Variants in SEMA3D observed in about 807,000 individuals in gnomAD.
SEMA3D encodes the protein semaphorin-3D.
SEMA3D carries 84 observed loss-of-function variants against 100.1 expected under a neutral mutation model. The ratio of observed to expected loss-of-function variants is 0.84; its 90% confidence interval spans 0.70 to 1.01. The LOEUF (loss-of-function observed/expected upper bound fraction) is 1.01, where lower values mean the gene tolerates loss of function less well. Among genes scored for constraint, SEMA3D ranks in the 50% least tolerant of loss-of-function variants. SEMA3D has a pLI of 0.00. For missense variants in SEMA3D, 875 were observed against 934.1 expected (o/e 0.94, Z 0.82); for synonymous variants, 312 against 320.7 (o/e 0.97, Z 0.29).
chr7:85,217,985 AAAT>A, the SEMA3D span, among the ~76,000 whole-genome samples: 1 of 152,114 alleles, frequency 6.6e-6, no homozygotes, highest in East Asian at 1.9e-4. Flanking sequence ...GTTATTAGTT[AAAT>A]AATCATTTTG....
chr7:85,135,247 A>T (rs1308394560), intron 2 of SEMA3D, among the ~76,000 whole-genome samples: 1 of 152,114 alleles, frequency 6.6e-6, no homozygotes, highest in African/African-American at 2.4e-5. Context: ...CAAAATAAAC[A>T]ATGGCTATTA....
At chr7:85,194,435 A>T in the SEMA3D span, among the ~76,000 whole-genome samples, 6 of 151,900 alleles carry the variant, frequency 3.9e-5, no homozygotes, top group Non-Finnish European at 8.8e-5. Flanking sequence ...CGTCTAATCC[A>T]TTTTCTGTAT....
Position 84,998,387 on chromosome 7 carries a change from T to G in SEMA3D, c.*1053A>C, listed in dbSNP as rs1447856363. ...AATAAAATGTCTACTCTTCCTATGATTCTTCAGAAGAATTTATGTTTCCTC... is the reference window on the plus strand; with the variant it reads ...AATAAAATGTCTACTCTTCCTATGAGTCTTCAGAAGAATTTATGTTTCCTC... On this transcript the variant is annotated 3_prime_UTR_variant, in exon 19 of 19. Coordinates refer to ENST00000284136, the MANE Select transcript of SEMA3D (RefSeq NM_001384900.1). The G allele has an allele frequency of 1.3e-5, 2 of 152,198 alleles. No individual in the cohort carries two copies. Among genetic ancestry groups the G allele is most frequent in the African/African-American group, 4.8e-5 (2 of 41,470 alleles). The allele number at this position is 152,198 out of a possible 1,614,324, so 9.4% of individuals were successfully genotyped here.
the SEMA3D span, among the ~76,000 whole-genome samples, chr7:85,192,959 T>TA: frequency 1.3e-5 from 2 of 152,172 alleles, no homozygotes; most frequent in African/African-American, 4.8e-5. Flanking sequence ...ATTTAAAACT[T>TA]ACAATTCTAA....
the SEMA3D span, among the ~76,000 whole-genome samples, chr7:85,240,993 A>G: frequency 6.6e-6 from 1 of 152,144 alleles, no homozygotes. Context: ...ATCCCATCAA[A>G]TAGTGTGCTA....
At chr7:85,104,676 T>C (rs1281736847) in intron 3 of SEMA3D, among the ~76,000 whole-genome samples, 2 of 151,932 alleles carry the variant, frequency 1.3e-5, no homozygotes, top group Non-Finnish European at 2.9e-5. Context: ...TATTTGAGTG[T>C]TAAATGAACA....
the SEMA3D span, among the ~76,000 whole-genome samples, chr7:85,230,502 GTCAACGTA>G: frequency 6.6e-6 from 1 of 152,152 alleles, no homozygotes; most frequent in Admixed American, 6.5e-5. Flanking sequence ...CACTAAAACA[GTCAACGTA>G]TCTCATAACC....
chr7:85,012,774 G>C lies in SEMA3D; in HGVS notation c.1768+8C>G, dbSNP rs780878639. ...ATGGGAGAAAAAGCATATCAGAGCT[G>C]TACTTACTGTCTTCGATGTCCCAGC... On this transcript the variant is annotated splice_region_variant and intron_variant, in intron 17 of 18. Coordinates refer to ENST00000284136, the MANE Select transcript of SEMA3D (RefSeq NM_001384900.1). 5 of 1,604,462 alleles carry C rather than the reference G, an allele frequency of 3.1e-6. No individual in the cohort carries two copies. In the South Asian group the frequency reaches 5.5e-5, roughly 18 times the overall value.
At chr7:85,038,710 T>C (rs1398703800) in intron 11 of SEMA3D, among the ~76,000 whole-genome samples, 1 of 152,174 alleles carries the variant, frequency 6.6e-6, no homozygotes, top group Non-Finnish European at 1.5e-5. Context: ...CCAAGAGAAC[T>C]AGGATTGAGA....
chr7:85,182,117 A>G (rs1791427213), intron 1 of SEMA3D, among the ~76,000 whole-genome samples: 1 of 149,088 alleles, frequency 6.7e-6, no homozygotes, highest in African/African-American at 2.4e-5. Context: ...TTAGGTATTT[A>G]AATTTAGGAT....
intron 2 of SEMA3D, among the ~76,000 whole-genome samples, chr7:85,139,388 C>G (rs908519946): frequency 1.3e-4 from 19 of 151,966 alleles, no homozygotes; most frequent in Non-Finnish European, 7.4e-5. Flanking sequence ...GCAAAAATAT[C>G]GTTATTCAAA....
chr7:85,245,831 T>C, the SEMA3D span, among the ~76,000 whole-genome samples: 1 of 152,270 alleles, frequency 6.6e-6, no homozygotes, highest in Admixed American at 6.5e-5. Flanking sequence ...ATTTCTCACA[T>C]AGTAACAAAA....
chr7:85,106,249 T>C (rs770452520), intron 3 of SEMA3D, among the ~76,000 whole-genome samples: 7 of 152,100 alleles, frequency 4.6e-5, no homozygotes, highest in Non-Finnish European at 8.8e-5. Context: ...TTATTCAGAA[T>C]TTCTCCTTCT....
intron 2 of SEMA3D, among the ~76,000 whole-genome samples, chr7:85,146,156 CTTTATA>C (rs1790198304): frequency 6.6e-6 from 1 of 152,110 alleles, no homozygotes; most frequent in African/African-American, 2.4e-5. Context: ...ATCCAATCGA[CTTTATA>C]TTTGTATGAC....
chr7:85,103,138 C>T (rs2116334277), intron 3 of SEMA3D, among the ~76,000 whole-genome samples: 1 of 152,132 alleles, frequency 6.6e-6, no homozygotes. Context: ...ACCAGCTTAT[C>T]TTTCTTGTAT....
chr7:85,136,038 G>A (rs1012723533), intron 2 of SEMA3D, among the ~76,000 whole-genome samples: 11 of 152,022 alleles, frequency 7.2e-5, no homozygotes, highest in Admixed American at 2.0e-4. Context: ...TTAAAAAGAG[G>A]ATGAGAGAGC....
chr7:85,180,335 G>C (rs753131068), intron 1 of SEMA3D, among the ~76,000 whole-genome samples: 1 of 152,106 alleles, frequency 6.6e-6, no homozygotes, highest in African/African-American at 2.4e-5. Flanking sequence ...CTTCCACTAT[G>C]ATTATAAGTT....
In SEMA3D at chr7:85,186,855, T is replaced by C. The variant is rs1235543172; in HGVS notation, c.-350A>G. On this transcript the variant is annotated 5_prime_UTR_variant, in exon 1 of 19. Transcript: ENST00000284136. ...GGCAGCCCTGGCAGAGCCGGGAAGC[T>C]GCGGCCGCAGGGGCCAGGCCGGGAG... 1 of 152,064 alleles carries C rather than the reference T, an allele frequency of 6.6e-6. No homozygotes were observed. The highest frequency in any genetic ancestry group is 1.5e-5 in the Non-Finnish European group (1 of 68,094). The allele number at this position is 152,064 out of a possible 1,614,324, so 9.4% of individuals were successfully genotyped here.
At chr7:85,181,351 C>CAA (rs935274447) in intron 1 of SEMA3D, among the ~76,000 whole-genome samples, 12 of 149,394 alleles carry the variant, frequency 8.0e-5, no homozygotes, top group African/African-American at 2.5e-4. Flanking sequence ...CACACACACA[C>CAA]ACACACACAC....
Sources: gnomAD v4.1 joint callset for allele counts (sites outside exome capture counted in the v4.1 genomes callset) on GRCh38, gnomAD v4.1.1 for gene constraint, MANE v1.5 for transcripts, NCBI Gene and HGNC (gene_info 2026-07-23, HGNC 2026-07-21) for gene names.